The following JADE1 variants were observed in gnomAD, a reference collection of about 807,000 sequenced individuals.
The protein encoded by JADE1 is protein Jade-1.
Under a neutral mutation model 81.8 loss-of-function variants are expected in JADE1, and 14 were observed. The observed-to-expected ratio is 0.17, with a 90% confidence interval of 0.11 to 0.27. JADE1 has a LOEUF of 0.27. Ranked by LOEUF, JADE1 falls within the 10% of genes least tolerant of loss-of-function variation. The probability of loss-of-function intolerance (pLI) is 1.00; values close to 1 mark genes in which losing one functional copy is unlikely to be tolerated. For synonymous variants in JADE1, 353 were observed against 391.9 expected, an observed-to-expected ratio of 0.90 and a Z score of 1.17; for missense variants, 690 against 1,047.9, an observed-to-expected ratio of 0.66 and a Z score of 4.71.
chr4:128,845,882 T>C (rs1480378490), intron 3 of JADE1, among the ~76,000 whole-genome samples: 4 of 151,656 alleles, frequency 2.6e-5, no homozygotes, highest in Non-Finnish European at 5.9e-5. Flanking sequence ...CAAGACTGTG[T>C]TACCGCACTC....
At chr4:128,868,703 C>G (rs978505206) in intron 10 of JADE1, among the ~76,000 whole-genome samples, 6 of 152,116 alleles carry the variant, frequency 3.9e-5, no homozygotes, top group Non-Finnish European at 7.3e-5. Flanking sequence ...ATCAAGACCC[C>G]TTAAGTGCAT....
chr4:128,834,883 T>A (rs1177002436), intron 2 of JADE1, among the ~76,000 whole-genome samples: 2 of 151,928 alleles, frequency 1.3e-5, no homozygotes, highest in Non-Finnish European at 2.9e-5. Flanking sequence ...TGGTGGCTCA[T>A]GACTGTAATC....
intron 1 of JADE1, among the ~76,000 whole-genome samples, chr4:128,815,291 G>A (rs1040188433): frequency 3.3e-5 from 5 of 151,904 alleles, no homozygotes; most frequent in Non-Finnish European, 2.9e-5. Context: ...TTATTAAGAC[G>A]GGGTTTCACC....
At chr4:128,843,627 C>T (rs977132264) in intron 3 of JADE1, among the ~76,000 whole-genome samples, 3 of 152,142 alleles carry the variant, frequency 2.0e-5, no homozygotes, top group Non-Finnish European at 4.4e-5. Context: ...TTTAGGGGTC[C>T]TTATGAGACC....
At chr4:128,870,983 C>G (rs1474391853) in intron 10 of JADE1, among the ~76,000 whole-genome samples, 1 of 152,168 alleles carries the variant, frequency 6.6e-6, no homozygotes, top group Non-Finnish European at 1.5e-5. Flanking sequence ...AGGAGCGCGG[C>G]GCAGGTGCTG....
chr4:128,816,061 G>A (rs1453302782), intron 1 of JADE1, among the ~76,000 whole-genome samples: 1 of 150,690 alleles, frequency 6.6e-6, no homozygotes, highest in African/African-American at 2.4e-5. Context: ...GGAGTTTCTG[G>A]TTTCTTAGAA....
chr4:128,811,783 A>T (rs1380364931), intron 1 of JADE1: 2 of 150,578 alleles, frequency 1.3e-5, no homozygotes, highest in Non-Finnish European at 3.0e-5. Flanking sequence ...GGGCGGCCGC[A>T]GGCGTTTGTT....
At chr4:128,819,054 G>A (rs1727311533) in intron 1 of JADE1, among the ~76,000 whole-genome samples, 1 of 152,110 alleles carries the variant, frequency 6.6e-6, no homozygotes, top group African/African-American at 2.4e-5. Context: ...TCGAACTCCT[G>A]AGCTCAAAGG....
intron 1 of JADE1, among the ~76,000 whole-genome samples, chr4:128,813,738 A>G (rs1726724154): frequency 6.6e-6 from 1 of 151,996 alleles, no homozygotes; most frequent in South Asian, 2.1e-4. Context: ...GGTCACTTGT[A>G]AATCAGATGA....
At position 128,834,530 on chromosome 4, in the gene JADE1, CTT is replaced by C. The variant is rs202245727; in HGVS notation, c.52+2740_52+2741del. 1.9e-3 allele frequency among the ~76,000 whole-genome samples: 189 copies of C among 99,164 alleles called. 1 individual carries two copies. Among genetic ancestry groups the C allele is most frequent in the South Asian group, 4.6e-3 (13 of 2,818 alleles). The allele number at this position is 99,164 out of a possible 152,430, so 65.1% of individuals were successfully genotyped here. The stretch of plus-strand genomic sequence containing the variant: ...AAAAGCCCTAGAAGACCAAATATTT[CTT>C]TTTTTTTTTTTTTTTTTTTGAGATG... On this transcript the variant is annotated intron_variant, in intron 2 of 10. Transcript: ENST00000226319.
chr4:128,851,312 G>T (rs1560760849), intron 5 of JADE1, among the ~76,000 whole-genome samples: 1 of 152,264 alleles, frequency 6.6e-6, no homozygotes, highest in East Asian at 1.9e-4. Flanking sequence ...ATATTTGAGT[G>T]CCCAAAGTGA....
At chr4:128,840,981 G>A (rs1729387839) in intron 2 of JADE1, among the ~76,000 whole-genome samples, 1 of 152,232 alleles carries the variant, frequency 6.6e-6, no homozygotes, top group Non-Finnish European at 1.5e-5. Context: ...GGGAAGCATG[G>A]CAATCCCATT....
chr4:128,815,073 G>A (rs559122675), intron 1 of JADE1, among the ~76,000 whole-genome samples: 124 of 142,214 alleles, frequency 8.7e-4, no homozygotes, highest in African/African-American at 3.1e-3. Flanking sequence ...TTTTTGAGAC[G>A]GAGGCTTGCT....
chr4:128,825,707 C>G (rs1205197668), intron 1 of JADE1, among the ~76,000 whole-genome samples: 1 of 152,212 alleles, frequency 6.6e-6, no homozygotes, highest in African/African-American at 2.4e-5. Flanking sequence ...ATATCTTGTT[C>G]ACCGTATCTC....
chr4:128,870,450 C>A (rs1027711689), intron 10 of JADE1, among the ~76,000 whole-genome samples: 1 of 152,086 alleles, frequency 6.6e-6, no homozygotes, highest in African/African-American at 2.4e-5. Context: ...GATCTTGAGG[C>A]TGTTGTAGAA....
Position 128,872,362 on chromosome 4 carries a change from T to C in JADE1, c.*100T>C. On this transcript the variant is annotated 3_prime_UTR_variant, in exon 11 of 11. Transcript: ENST00000226319. ...AAGCAGAAACCCATTAATCCTGAGCTACACAAACACATTTACTTGCAATTC... is the reference window on the plus strand; with the variant it reads ...AAGCAGAAACCCATTAATCCTGAGCCACACAAACACATTTACTTGCAATTC... The C allele has an allele frequency of 1.0e-6, 1 of 958,048 alleles. No individual in the cohort carries two copies. The highest frequency in any genetic ancestry group is 1.6e-6 in the Non-Finnish European group (1 of 637,562). 59.3% of individuals were successfully genotyped at this position (958,048 alleles called of 1,614,324 possible).
intron 1 of JADE1, among the ~76,000 whole-genome samples, chr4:128,825,789 C>T (rs1220573766): frequency 1.3e-5 from 2 of 152,208 alleles, no homozygotes; most frequent in African/African-American, 4.8e-5. Flanking sequence ...ACCCACATGA[C>T]AGAAGGGATC....
At position 128,829,818 on chromosome 4, in the gene JADE1, T is replaced by C. The variant is rs904492296; in HGVS notation, c.-26-1915T>C. On this transcript the variant is annotated intron_variant, in intron 1 of 10. Coordinates refer to ENST00000226319, the MANE Select transcript of JADE1 (RefSeq NM_199320.4). ...TTTTGACTGCTCTTTTGTAGGCCTT[T>C]TTAGAGTGGAGCTTTGGTTTTTTAA... Among the ~76,000 whole-genome samples, 3 of 152,290 alleles carry C rather than the reference T, an allele frequency of 2.0e-5. No individual in the cohort carries two copies. In the East Asian group the frequency reaches 5.8e-4, roughly 29 times the overall value.
At chr4:128,812,164 CGGGGACGCCGCTGCGGA>C (rs905793398) in intron 1 of JADE1, among the ~76,000 whole-genome samples, 2 of 152,064 alleles carry the variant, frequency 1.3e-5, no homozygotes, top group African/African-American at 4.8e-5. Flanking sequence ...GCGGCGGCGG[CGGGGACGCCGCTGCGGA>C]GGGAGCGGGG....
Sources: allele counts gnomAD v4.1 joint callset (sites outside exome capture counted in the v4.1 genomes callset), GRCh38; gene constraint gnomAD v4.1.1; transcripts MANE v1.5; gene names NCBI Gene and HGNC (gene_info 2026-07-23, HGNC 2026-07-21).